Variants in GNAO1 observed in about 807,000 individuals in gnomAD.
GNAO1 encodes guanine nucleotide-binding protein G(o) subunit alpha.
For synonymous variants in GNAO1, 164 were observed against 180.7 expected (o/e 0.91, Z 0.74); for missense variants, 166 against 478.7 (o/e 0.35, Z 6.10).
At chr16:56,253,025 G>A (rs911623376) in intron 2 of GNAO1, among the ~76,000 whole-genome samples, 1 of 152,206 alleles carries the variant, frequency 6.6e-6, no homozygotes, top group African/African-American at 2.4e-5. Context: ...GAGTTCTGCT[G>A]GGGAGCTGCC....
At chr16:56,347,756 TCCCTCCCCAC>T (rs2143693083) in intron 6 of GNAO1, 1 of 918,298 alleles carries the variant, frequency 1.1e-6, no homozygotes, top group Non-Finnish European at 1.3e-6. Flanking sequence ...GTCCTCCCCT[TCCCTCCCCAC>T]CCCTCCCCTC....
At chr16:56,279,639 C>G (rs10445025) in intron 3 of GNAO1, among the ~76,000 whole-genome samples, 29,754 of 152,172 alleles carry the variant, frequency 0.2, 3,151 homozygotes, top group East Asian at 0.38. Context: ...AAACTCAGCT[C>G]AGGGCTTTCT....
intron 3 of GNAO1, among the ~76,000 whole-genome samples, chr16:56,306,286 C>T (rs2037395046): frequency 6.6e-6 from 1 of 152,216 alleles, no homozygotes; most frequent in Non-Finnish European, 1.5e-5. Flanking sequence ...CTGGAATCTT[C>T]AGCGGCCCAC....
At chr16:56,295,370 A>G (rs761385918) in intron 3 of GNAO1, among the ~76,000 whole-genome samples, 1 of 152,102 alleles carries the variant, frequency 6.6e-6, no homozygotes. Flanking sequence ...TATGAGGATA[A>G]TAAGTCACCT....
intron 2 of GNAO1, among the ~76,000 whole-genome samples, chr16:56,268,701 A>G (rs112597135): frequency 4.9e-4 from 75 of 152,190 alleles, no homozygotes; most frequent in Middle Eastern, 6.8e-3. Flanking sequence ...TCCTCACATA[A>G]TAACTCCCTC....
intron 2 of GNAO1, among the ~76,000 whole-genome samples, chr16:56,204,656 T>C (rs2036309676): frequency 6.6e-6 from 1 of 152,144 alleles, no homozygotes; most frequent in Admixed American, 6.5e-5. Context: ...AGTTAGATAG[T>C]ACTGAGGAAA....
chr16:56,310,782 A>G (rs994806922), intron 3 of GNAO1, among the ~76,000 whole-genome samples: 1 of 152,050 alleles, frequency 6.6e-6, no homozygotes, highest in African/African-American at 2.4e-5. Flanking sequence ...GTTCAGATGC[A>G]ATAGGTTATT....
chr16:56,331,383 T>C (rs2037686766), intron 4 of GNAO1, among the ~76,000 whole-genome samples: 1 of 152,064 alleles, frequency 6.6e-6, no homozygotes. Flanking sequence ...CCCCACTGAG[T>C]TGTCCATGCT....
intron 2 of GNAO1, among the ~76,000 whole-genome samples, chr16:56,229,105 A>C (rs1348341255): frequency 6.6e-6 from 1 of 152,230 alleles, no homozygotes; most frequent in Non-Finnish European, 1.5e-5. Flanking sequence ...GAAATGAAAA[A>C]GACTTTAATG....
At position 56,343,754 on chromosome 16, in the gene GNAO1, G is replaced by C. The variant is rs1246199341; in HGVS notation, c.723+6894G>C. On this transcript the variant is annotated intron_variant, in intron 6 of 8. Transcript: ENST00000262493. ...TCGCCTCACCACACCTTGCCTGTTTGCTCTGCAGGCCCCAGCGCCTTCACA... is the reference window on the plus strand; with the variant it reads ...TCGCCTCACCACACCTTGCCTGTTTCCTCTGCAGGCCCCAGCGCCTTCACA... 3.1e-6 allele frequency: 5 copies of C among 1,608,858 alleles called. No homozygotes were observed. The African/African-American group carries it at 5.3e-5, about 17-fold the overall frequency.
At chr16:56,290,675 T>C (rs906510851) in intron 3 of GNAO1, among the ~76,000 whole-genome samples, 1 of 152,156 alleles carries the variant, frequency 6.6e-6, no homozygotes, top group Non-Finnish European at 1.5e-5. Flanking sequence ...ACGTGAGGCA[T>C]GTGAGAGGGG....
chr16:56,228,891 A>G (rs1207947916), intron 2 of GNAO1, among the ~76,000 whole-genome samples: 2 of 152,230 alleles, frequency 1.3e-5, no homozygotes, highest in Admixed American at 6.5e-5. Flanking sequence ...GTATATATAG[A>G]TAAAAGTTTA....
At chr16:56,203,527 G>A (rs1219229864) in intron 2 of GNAO1, among the ~76,000 whole-genome samples, 1 of 152,128 alleles carries the variant, frequency 6.6e-6, no homozygotes, top group Non-Finnish European at 1.5e-5. Context: ...CTTATCATGG[G>A]AGAGACTGAG....
chr16:56,220,737 T>TG (rs1390927279), intron 2 of GNAO1, among the ~76,000 whole-genome samples: 14 of 151,572 alleles, frequency 9.2e-5, no homozygotes, highest in African/African-American at 1.9e-4. Context: ...AGCGTGGGTT[T>TG]TTTGTTGTTG....
chr16:56,333,335 C>T (rs1476393197), intron 4 of GNAO1, among the ~76,000 whole-genome samples: 1 of 151,944 alleles, frequency 6.6e-6, no homozygotes, highest in Admixed American at 6.6e-5. Context: ...GCCTCAGCCT[C>T]CTGAGTGCTG....
chr16:56,342,476 GTTC>G (rs2037815339), intron 6 of GNAO1, among the ~76,000 whole-genome samples: 1 of 152,206 alleles, frequency 6.6e-6, no homozygotes, highest in Non-Finnish European at 1.5e-5. Flanking sequence ...CTGGGGTCCT[GTTC>G]TTCTGCCCCT....
intron 2 of GNAO1, among the ~76,000 whole-genome samples, chr16:56,218,966 ATTT>A (rs2036459926): frequency 6.6e-6 from 1 of 152,026 alleles, no homozygotes; most frequent in African/African-American, 2.4e-5. Flanking sequence ...GCACCCACAC[ATTT>A]TTTAAAATGT....
chr16:56,293,135 C>T (rs1234946801), intron 3 of GNAO1, among the ~76,000 whole-genome samples: 1 of 152,242 alleles, frequency 6.6e-6, no homozygotes, highest in Non-Finnish European at 1.5e-5. Context: ...TCACACCTAA[C>T]TGCAGGGAAG....
rs749455349 is a variant in GNAO1, at chr16:56,334,547, C to T, written c.465-182C>T. 9.2e-5 allele frequency among the ~76,000 whole-genome samples: 14 copies of T among 152,310 alleles called. 1 individual carries two copies. Among genetic ancestry groups the T allele is most frequent in the African/African-American group, 3.4e-4 (14 of 41,566 alleles). On this transcript the variant is annotated intron_variant, in intron 4 of 8. Transcript: ENST00000262493. ...TGTGAATGAGTGCGTGAGGCCAAGA[C>T]CCCTAAGACCCACTTCCTCAGTCGC...
Sources: allele counts gnomAD v4.1 joint callset (sites outside exome capture counted in the v4.1 genomes callset), GRCh38; gene constraint gnomAD v4.1.1; transcripts MANE v1.5; gene names NCBI Gene and HGNC (gene_info 2026-07-23, HGNC 2026-07-21).